Variants in QRSL1 observed in about 807,000 individuals in gnomAD.
QRSL1 encodes the protein glutaminyl-tRNA amidotransferase subunit QRSL1.
A neutral mutation model predicts 61.6 loss-of-function variants in QRSL1; 54 were observed. The observed-to-expected ratio is 0.88, with a 90% CI of 0.70 to 1.10. The LOEUF (loss-of-function observed/expected upper bound fraction) is 1.10, where lower values mean the gene tolerates loss of function less well. Among genes scored for constraint, QRSL1 ranks in the 50% least tolerant of loss-of-function variants. The pLI, the probability that QRSL1 is intolerant of heterozygous loss-of-function variation, is 0.00. For missense variants in QRSL1, 505 were observed against 622.6 expected (o/e 0.81, Z 2.01); for synonymous variants, 228 against 225.7 (o/e 1.01, Z -0.09).
intron 1 of QRSL1, among the ~76,000 whole-genome samples, chr6:106,632,388 A>AT (rs563907202): frequency 6.1e-4 from 91 of 148,398 alleles, no homozygotes; most frequent in Admixed American, 2.4e-3. Context: ...ATTTTTAATT[A>AT]TTTTTTTTTT....
chr6:106,664,102 A>G (rs550644064), intron 10 of QRSL1, among the ~76,000 whole-genome samples: 1 of 152,352 alleles, frequency 6.6e-6, no homozygotes, highest in East Asian at 1.9e-4. Flanking sequence ...GAAAACTAAC[A>G]TGATTGAAGA....
At position 106,665,828 on chromosome 6, in the gene QRSL1, G is replaced by A. The variant is rs2114721032; in HGVS notation, c.1413G>A (p.Leu471=). Residue 471 remains leucine, a synonymous_variant, in exon 11 of 11, where the codon TTG becomes TTA. Transcript: ENST00000369046. The part of the protein sequence containing the change: ...SIPVALSNQG[L]PIGLQFIGRA... ...CTGTTGCACTCTCAAACCAAGGGTT[G>A]CCAATAGGACTGCAGTTTATTGGAC... 6.2e-7 allele frequency: 1 copy of A among 1,613,934 alleles called. No homozygotes were observed. Among genetic ancestry groups the A allele is most frequent in the Non-Finnish European group, 8.5e-7 (1 of 1,179,858 alleles).
chr6:106,635,655 A>T (rs1776908384), intron 1 of QRSL1, among the ~76,000 whole-genome samples: 1 of 152,136 alleles, frequency 6.6e-6, no homozygotes, highest in Non-Finnish European at 1.5e-5. Flanking sequence ...CGGGCAGATC[A>T]CGAGGTCAGG....
chr6:106,633,825 T>C (rs1278259114), intron 1 of QRSL1, among the ~76,000 whole-genome samples: 1 of 152,184 alleles, frequency 6.6e-6, no homozygotes, highest in Non-Finnish European at 1.5e-5. Flanking sequence ...TGTTATTCAT[T>C]CAACTAACAT....
intron 7 of QRSL1, chr6:106,652,959 C>G (rs1334024754): frequency 1.9e-5 from 9 of 478,162 alleles, no homozygotes; most frequent in Non-Finnish European, 1.4e-5. Context: ...TGTCTCTGTT[C>G]CAATAAAACT....
At chr6:106,639,235 C>T (rs571086756) in intron 1 of QRSL1, among the ~76,000 whole-genome samples, 1 of 148,440 alleles carries the variant, frequency 6.7e-6, no homozygotes, top group South Asian at 2.2e-4. Context: ...AAGTGATTCT[C>T]CTGCCTCAGC....
intron 10 of QRSL1, 56 bp downstream of exon 10, chr6:106,663,241 G>C (rs1414528269): frequency 1.3e-6 from 2 of 1,536,928 alleles, no homozygotes; most frequent in African/African-American, 1.4e-5. Flanking sequence ...CAGGTACCCT[G>C]GTCTTCAACT....
chr6:106,667,772 A>C lies in QRSL1; in HGVS notation c.*1770A>C, dbSNP rs1017052914. Reference sequence around the variant, plus strand: ...TTTGACTCTGAATCCCTGAAAGAGGAAGAAATCCATGAGAGAAAATTGCAT... The same window carrying C: ...TTTGACTCTGAATCCCTGAAAGAGGCAGAAATCCATGAGAGAAAATTGCAT... On this transcript the variant is annotated 3_prime_UTR_variant, in exon 11 of 11. Transcript: ENST00000369046. 1 of 152,156 alleles carries C rather than the reference A, an allele frequency of 6.6e-6. No homozygotes were observed. Among genetic ancestry groups the C allele is most frequent in the African/African-American group, 2.4e-5 (1 of 41,436 alleles). 9.4% of individuals were successfully genotyped at this position (152,156 alleles called of 1,614,324 possible).
chr6:106,666,471 A>T lies in QRSL1; in HGVS notation c.*469A>T, dbSNP rs1777436915. The T allele has an allele frequency of 5.9e-6, 1 of 169,234 alleles. No individual in the cohort carries two copies. Among genetic ancestry groups the T allele is most frequent in the African/African-American group, 2.4e-5 (1 of 41,524 alleles). The allele number at this position is 169,234 out of a possible 1,614,324, so 10.5% of individuals were successfully genotyped here. On this transcript the variant is annotated 3_prime_UTR_variant, in exon 11 of 11. Transcript: ENST00000369046. ...ATTCCTGTGACAATTAATAATAAAT[A>T]ACGTGTCAGCATTTAGTAAGCATCC... is the stretch of plus-strand genomic sequence containing the variant.
At chr6:106,653,548 G>A (rs1293019779) in intron 7 of QRSL1, 1 of 152,094 alleles carries the variant, frequency 6.6e-6, no homozygotes, top group East Asian at 1.9e-4. Context: ...TATATGTAAG[G>A]CCAGGTGCGT....
At position 106,665,743 on chromosome 6, in the gene QRSL1, G is replaced by A. The variant is rs17067608; in HGVS notation, c.1367-39G>A. ...GGAAGAGGTCTCTGCTAATTAGGGT[G>A]GAGAATTAATCACCTACTGGGTTTC... is the stretch of plus-strand genomic sequence containing the variant. On this transcript the variant is annotated intron_variant, in intron 10 of 10. Transcript: ENST00000369046. 111,169 of 1,549,472 alleles carry A rather than the reference G, an allele frequency of 0.072. 4,469 individuals are homozygous for A. Among genetic ancestry groups the A allele is most frequent in the Non-Finnish European group, 0.083 (92,589 of 1,121,104 alleles).
At position 106,629,688 on chromosome 6, in the gene QRSL1, G is replaced by A; in HGVS notation, c.7G>A (p.Gly3Ser). The change falls in exon 1 of 11, where the codon GGC becomes AGC. Residue 3 changes from glycine (G) to serine (S), a missense_variant. Gly to Ser is a moderately conservative substitution (Grantham distance 56, BLOSUM62 0). Coordinates refer to ENST00000369046, the MANE Select transcript of QRSL1 (RefSeq NM_018292.5). MLGRSLREVSAAL... is the reference protein window; with the variant it reads MLSRSLREVSAAL... ...CAGGCTGGGCACGAGGACCATGCTG[G>A]GCCGGAGCCTCCGAGAAGTGAGTGG... 1 of 1,606,474 alleles carries A rather than the reference G, an allele frequency of 6.2e-7. No individual in the cohort carries two copies. The highest frequency in any genetic ancestry group is 1.1e-5 in the South Asian group (1 of 89,130).
chr6:106,643,621 A>G (rs1238921719), intron 4 of QRSL1, among the ~76,000 whole-genome samples: 3 of 151,504 alleles, frequency 2.0e-5, no homozygotes, highest in East Asian at 2.0e-4. Flanking sequence ...CGGAGGTTGC[A>G]GTGAGCCGAG....
intron 1 of QRSL1, among the ~76,000 whole-genome samples, chr6:106,631,842 TA>T (rs1255792896): frequency 6.6e-6 from 1 of 152,224 alleles, no homozygotes; most frequent in African/African-American, 2.4e-5. Flanking sequence ...TAGTTATTTT[TA>T]AACGTACAAT....
intron 3 of QRSL1, 40 bp from the exon 4 acceptor site, chr6:106,642,954 T>C: frequency 7.3e-7 from 1 of 1,362,242 alleles, no homozygotes; most frequent in Non-Finnish European, 1.0e-6. Flanking sequence ...AAAAGACTTC[T>C]GGACTGTAAA....
In QRSL1 at chr6:106,658,895, ACT is replaced by A. The variant is rs556930216; in HGVS notation, c.1160+3168_1160+3169del. On this transcript the variant is annotated intron_variant, in intron 9 of 10. Coordinates refer to ENST00000369046, the MANE Select transcript of QRSL1 (RefSeq NM_018292.5). The stretch of plus-strand genomic sequence containing the variant: ...TTTTTCTGTCCTCCATCTGTCTGGG[ACT>A]CTCTTCACATGTATATTAATCTGCC... Among the ~76,000 whole-genome samples, 11 of 150,986 alleles carry A rather than the reference ACT, an allele frequency of 7.3e-5. No homozygotes were observed. In the East Asian group the frequency reaches 2.1e-3, roughly 29 times the overall value.
At chr6:106,637,644 T>G (rs1050591529) in intron 1 of QRSL1, among the ~76,000 whole-genome samples, 19 of 152,294 alleles carry the variant, frequency 1.2e-4, no homozygotes, top group African/African-American at 4.6e-4. Context: ...AGGTAGGCAC[T>G]AAACAGGAGA....
At chr6:106,658,533 G>A (rs1301179427) in intron 9 of QRSL1, among the ~76,000 whole-genome samples, 5 of 152,004 alleles carry the variant, frequency 3.3e-5, no homozygotes, top group East Asian at 1.9e-4. Flanking sequence ...AAGCCTGAGC[G>A]ACAGAGCGAG....
Position 106,649,121 on chromosome 6 carries a change from G to C in QRSL1, c.477G>C (p.Glu159Asp). Residue 159 changes from glutamate to aspartate, a missense_variant, in exon 5 of 11, where the codon GAG becomes GAC. By Grantham distance (45) the Glu-to-Asp change is conservative. Coordinates refer to ENST00000369046, the MANE Select transcript of QRSL1 (RefSeq NM_018292.5). ...AGAGGAAGCAGAATCCCCACAGCGA[G>C]AATGAAGATTCAGACTGGCTGATAA... ...REKRKQNPHS[E>D]NEDSDWLITG... 6.2e-7 allele frequency: 1 copy of C among 1,614,200 alleles called. No homozygotes were observed. Among genetic ancestry groups the C allele is most frequent in the Non-Finnish European group, 8.5e-7 (1 of 1,180,032 alleles).
Sources: gnomAD v4.1 joint callset for allele counts (sites outside exome capture counted in the v4.1 genomes callset) on GRCh38, gnomAD v4.1.1 for gene constraint, MANE v1.5 for transcripts, NCBI Gene and HGNC (gene_info 2026-07-23, HGNC 2026-07-21) for gene names.